DENND5B: variants seen among roughly 807,000 people sequenced by gnomAD.
DENND5B encodes the protein DENN domain-containing protein 5B.
DENND5B carries 34 observed loss-of-function variants against 140.6 expected under a neutral mutation model. That is an observed-to-expected ratio of 0.24 (90% confidence interval 0.18 to 0.32). The LOEUF (loss-of-function observed/expected upper bound fraction) is 0.32, where lower values mean the gene tolerates loss of function less well. Ranked by LOEUF, DENND5B falls within the 10% of genes least tolerant of loss-of-function variation. The pLI is 1.00. For missense variants in DENND5B, 1,142 were observed against 1,560.2 expected (o/e 0.73, Z 4.52); for synonymous variants, 551 against 562.1 (o/e 0.98, Z 0.28).
intron 1 of DENND5B, among the ~76,000 whole-genome samples, chr12:31,553,459 T>C (rs1399139196): frequency 6.6e-6 from 1 of 152,202 alleles, no homozygotes; most frequent in Non-Finnish European, 1.5e-5. Flanking sequence ...CTTTTACATT[T>C]GTTGAGGAGT....
Position 31,402,593 on chromosome 12 carries a change from T to C in DENND5B, c.2854A>G (p.Ile952Val). 6.2e-7 allele frequency: 1 copy of C among 1,613,892 alleles called. No individual in the cohort carries two copies. Among genetic ancestry groups the C allele is most frequent in the Non-Finnish European group, 8.5e-7 (1 of 1,179,800 alleles). ...IIPIKKLSNA[I>V]ITSNPWICVS... is the part of the protein sequence containing the mutation. The stretch of plus-strand genomic sequence containing the variant: ...CAGATCCAAGGGTTTGATGTGATTA[T>C]TGCATTGCTCAGCTTTTTGATTGGG... The change falls in exon 15 of 21, where the codon ATA becomes GTA. Residue 952 changes from isoleucine (I) to valine (V), a missense_variant. This residue lies in a region of DENND5B where 268 missense variants were observed against 349.2 expected (regional missense o/e 0.77). Transcript: ENST00000389082.
At chr12:31,397,732 CCTGGG>C (rs1356663058) in intron 17 of DENND5B, among the ~76,000 whole-genome samples, 4 of 151,944 alleles carry the variant, frequency 2.6e-5, no homozygotes, top group African/African-American at 9.7e-5. Context: ...TCAAGACCAG[CCTGGG>C]CAACATGGCG....
chr12:31,557,232 G>A (rs528059426), intron 1 of DENND5B, among the ~76,000 whole-genome samples: 4 of 152,114 alleles, frequency 2.6e-5, no homozygotes, highest in Non-Finnish European at 5.9e-5. Flanking sequence ...AGAGTAGAGA[G>A]ACATAATGGC....
intron 1 of DENND5B, among the ~76,000 whole-genome samples, chr12:31,567,525 T>TTAA (rs778266873): frequency 2.9e-4 from 27 of 91,730 alleles, no homozygotes; most frequent in South Asian, 4.4e-4. Flanking sequence ...AGACTCTGTC[T>TTAA]AAAAAAAAAA....
chr12:31,535,323 C>G (rs1452922764), intron 1 of DENND5B: 4 of 168,122 alleles, frequency 2.4e-5, no homozygotes, highest in African/African-American at 9.6e-5. Flanking sequence ...TGACCCAGCA[C>G]AGTCCCAGTG....
intron 1 of DENND5B, among the ~76,000 whole-genome samples, chr12:31,500,241 A>C (rs1298768386): frequency 6.6e-6 from 1 of 152,212 alleles, no homozygotes; most frequent in Non-Finnish European, 1.5e-5. Flanking sequence ...ACCAACTTTA[A>C]AAATTAAAGA....
At chr12:31,414,438 T>C (rs1942617500) in intron 12 of DENND5B, among the ~76,000 whole-genome samples, 2 of 152,336 alleles carry the variant, frequency 1.3e-5, no homozygotes, top group South Asian at 4.1e-4. Flanking sequence ...CCACATATCC[T>C]GCCATTATTT....
chr12:31,535,994 G>A (rs1948481120), intron 1 of DENND5B, among the ~76,000 whole-genome samples: 1 of 149,324 alleles, frequency 6.7e-6, no homozygotes, highest in Non-Finnish European at 1.5e-5. Context: ...TGTTCCTCCT[G>A]ATAGTGAGTT....
intron 1 of DENND5B, chr12:31,541,072 A>C: frequency 2.3e-6 from 1 of 443,352 alleles, no homozygotes; most frequent in East Asian, 7.0e-5. Flanking sequence ...ATGGGTTAAA[A>C]ACTTAAATTT....
At chr12:31,434,932 C>T (rs1275854295) in intron 7 of DENND5B, among the ~76,000 whole-genome samples, 1 of 152,186 alleles carries the variant, frequency 6.6e-6, no homozygotes, top group Admixed American at 6.5e-5. Flanking sequence ...ACCCCCATCT[C>T]CCATTACATT....
chr12:31,525,838 T>C (rs2139040076), intron 1 of DENND5B, among the ~76,000 whole-genome samples: 1 of 152,032 alleles, frequency 6.6e-6, no homozygotes, highest in East Asian at 1.9e-4. Context: ...CAGAAAAATA[T>C]AAAAATTGGC....
chr12:31,459,190 C>T (rs1383955652), intron 4 of DENND5B, among the ~76,000 whole-genome samples: 5 of 146,430 alleles, frequency 3.4e-5, no homozygotes, highest in East Asian at 4.1e-4. Context: ...GCAACAAGAG[C>T]GAAACTCCAT....
chr12:31,482,257 T>C (rs1946098132), intron 2 of DENND5B, among the ~76,000 whole-genome samples: 2 of 152,170 alleles, frequency 1.3e-5, no homozygotes, highest in African/African-American at 4.8e-5. Context: ...ATTTTAAATA[T>C]ACTCTTTCAA....
At chr12:31,428,002 C>T (rs1342815035) in intron 8 of DENND5B, among the ~76,000 whole-genome samples, 1 of 152,122 alleles carries the variant, frequency 6.6e-6, no homozygotes, top group Non-Finnish European at 1.5e-5. Context: ...ATCTGTTTAC[C>T]TGCTACCTCC....
intron 1 of DENND5B, among the ~76,000 whole-genome samples, chr12:31,584,370 G>T (rs947823137): frequency 6.6e-6 from 1 of 152,190 alleles, no homozygotes; most frequent in South Asian, 2.1e-4. Flanking sequence ...TTATCACAGA[G>T]AATTTAGCTT....
chr12:31,484,413 C>T (rs1220836198), intron 2 of DENND5B, among the ~76,000 whole-genome samples: 1 of 152,002 alleles, frequency 6.6e-6, no homozygotes, highest in Admixed American at 6.6e-5. Context: ...AACTCAACGT[C>T]GACCATTCTA....
At chr12:31,579,849 C>T (rs2139464978) in intron 1 of DENND5B, among the ~76,000 whole-genome samples, 1 of 151,152 alleles carries the variant, frequency 6.6e-6, no homozygotes, top group East Asian at 1.9e-4. Flanking sequence ...AGTCCCATAT[C>T]AAAAATTTTT....
chr12:31,515,709 T>C (rs952643912), intron 1 of DENND5B, among the ~76,000 whole-genome samples: 12 of 152,212 alleles, frequency 7.9e-5, no homozygotes, highest in Admixed American at 7.2e-4. Context: ...TACATAGATA[T>C]GCTTTTTACA....
At chr12:31,450,653 C>A (rs1454797283) in intron 5 of DENND5B, among the ~76,000 whole-genome samples, 1 of 152,146 alleles carries the variant, frequency 6.6e-6, no homozygotes, top group Admixed American at 6.6e-5. Flanking sequence ...CCATGCCCAG[C>A]CACTATGTAC....
Sources: allele counts gnomAD v4.1 joint callset (sites outside exome capture counted in the v4.1 genomes callset), GRCh38; gene constraint gnomAD v4.1.1; regional missense constraint gnomAD v4.1.1; transcripts MANE v1.5; gene names NCBI Gene and HGNC (gene_info 2026-07-23, HGNC 2026-07-21).